CBL: variants seen among roughly 807,000 people sequenced by gnomAD.
CBL encodes Cbl proto-oncogene.
Under a neutral mutation model 96.9 loss-of-function variants are expected in CBL, and 45 were observed. The observed-to-expected ratio is 0.46, with a 90% CI of 0.37 to 0.60. CBL has a LOEUF of 0.60. Ranked by LOEUF, CBL falls within the 20% of genes least tolerant of loss-of-function variation. CBL has a pLI of 0.00. For synonymous variants in CBL, 420 were observed against 426.8 expected, an observed-to-expected ratio of 0.98 and a Z score of 0.20; for missense variants, 1,024 against 1,143.5, an observed-to-expected ratio of 0.90 and a Z score of 1.51.
At chr11:119,292,898 C>G (rs2135316919) in intron 12 of CBL, among the ~76,000 whole-genome samples, 1 of 152,196 alleles carries the variant, frequency 6.6e-6, no homozygotes, top group South Asian at 2.1e-4. Context: ...CCCAGTAAAC[C>G]CATTGTAAAT....
chr11:119,300,338 A>G lies in CBL; in HGVS notation c.*557A>G. ...ACTTCAACACTCCCCTTTGGCTTAT[A>G]TTACCATGTGCATAGCTAAAGTCTT... On this transcript the variant is annotated 3_prime_UTR_variant, in exon 16 of 16. Transcript: ENST00000264033. 2.7e-6 allele frequency: 1 copy of G among 375,824 alleles called. No individual in the cohort carries two copies. The highest frequency in any genetic ancestry group is 4.7e-6 in the Non-Finnish European group (1 of 213,784). The allele number at this position is 375,824 out of a possible 1,614,324, so 23.3% of individuals were successfully genotyped here.
chr11:119,279,644 C>G (rs936816180), intron 9 of CBL, among the ~76,000 whole-genome samples: 1 of 152,004 alleles, frequency 6.6e-6, no homozygotes, highest in African/African-American at 2.4e-5. Context: ...AGAGCGAGAC[C>G]CTGTCTCATA....
chr11:119,277,241 G>GCACACACACACACACACACACA (rs59099916), intron 6 of CBL, among the ~76,000 whole-genome samples: 13 of 146,382 alleles, frequency 8.9e-5, no homozygotes, highest in Non-Finnish European at 1.2e-4. Flanking sequence ...AATCTGTCGC[G>GCACACACACACACACACACACA]CACACACACA....
chr11:119,306,073 G>T lies in CBL; in HGVS notation c.*6292G>T, dbSNP rs982876506. 1 of 387,812 alleles carries T rather than the reference G, an allele frequency of 2.6e-6. No homozygotes were observed. The highest frequency in any genetic ancestry group is 2.1e-5 in the African/African-American group (1 of 48,456). 24.0% of individuals were successfully genotyped at this position (387,812 alleles called of 1,614,324 possible). The stretch of plus-strand genomic sequence containing the variant: ...GGGTTGGTTCCAGTGGGAAATACCA[G>T]TATTTCTTGGTTCTGGAAAGTAGCA... On this transcript the variant is annotated 3_prime_UTR_variant, in exon 16 of 16. Transcript: ENST00000264033.
intron 5 of CBL, among the ~76,000 whole-genome samples, chr11:119,275,576 A>T (rs758241795): frequency 3.3e-5 from 5 of 152,058 alleles, no homozygotes; most frequent in Admixed American, 6.6e-5. Context: ...AGAAGTAGTT[A>T]TTCTTGGCTG....
At chr11:119,220,444 A>G (rs1227235229) in intron 1 of CBL, among the ~76,000 whole-genome samples, 2 of 152,114 alleles carry the variant, frequency 1.3e-5, no homozygotes, top group Non-Finnish European at 2.9e-5. Flanking sequence ...CCCTGTGTCT[A>G]AAAAAATATT....
chr11:119,242,198 A>G (rs1404722161), intron 2 of CBL, among the ~76,000 whole-genome samples: 1 of 152,166 alleles, frequency 6.6e-6, no homozygotes, highest in Non-Finnish European at 1.5e-5. Flanking sequence ...TAATTCCTGT[A>G]ATCCCAGTGA....
In CBL at chr11:119,252,481, G is replaced by A. The variant is rs576090104; in HGVS notation, c.444-19254G>A. ...CTTCCATTGTGCTTTCTGTTAAATAGCAATCTAAGTGCTATTGACATCAAC... is the reference window on the plus strand; with the variant it reads ...CTTCCATTGTGCTTTCTGTTAAATAACAATCTAAGTGCTATTGACATCAAC... On this transcript the variant is annotated intron_variant, in intron 2 of 15. Transcript: ENST00000264033. Among the ~76,000 whole-genome samples, 4 of 152,180 alleles carry A rather than the reference G, an allele frequency of 2.6e-5. No homozygotes were observed. In the South Asian group the frequency reaches 8.3e-4, roughly 32 times the overall value.
chr11:119,276,648 A>C (rs1592399999), intron 6 of CBL, among the ~76,000 whole-genome samples: 2 of 152,388 alleles, frequency 1.3e-5, no homozygotes, highest in East Asian at 3.9e-4. Context: ...AATTCAAATT[A>C]ATTATCAGTT....
In CBL at chr11:119,219,403, G is replaced by C. The variant is rs144408091; in HGVS notation, c.195+12791G>C. On this transcript the variant is annotated intron_variant, in intron 1 of 15. Coordinates refer to ENST00000264033, the MANE Select transcript of CBL (RefSeq NM_005188.4). ...AAAAAAAAAAAAAGAAAGAAAGAAA[G>C]AAATCATACTAGGCTTGCTGTCATA... Among the ~76,000 whole-genome samples, 279 of 151,182 alleles carry C rather than the reference G, an allele frequency of 1.8e-3. 2 individuals are homozygous for C. Among genetic ancestry groups the C allele is most frequent in the East Asian group, 0.015 (78 of 5,132 alleles).
intron 1 of CBL, among the ~76,000 whole-genome samples, chr11:119,207,606 C>T (rs1949282211): frequency 6.6e-6 from 1 of 152,186 alleles, no homozygotes; most frequent in South Asian, 2.1e-4. Context: ...ATAGTTGTGT[C>T]TATATGATGA....
intron 2 of CBL, among the ~76,000 whole-genome samples, chr11:119,239,627 G>C (rs1949570260): frequency 6.6e-6 from 1 of 152,134 alleles, no homozygotes. Context: ...TGTTGAATAG[G>C]AATATCAGGA....
At chr11:119,289,710 A>AT (rs1950011353) in intron 12 of CBL, 1 of 152,132 alleles carries the variant, frequency 6.6e-6, no homozygotes, top group Admixed American at 6.5e-5. Context: ...TTATCAAGAG[A>AT]TTCCATCATG....
At position 119,300,670 on chromosome 11, in the gene CBL, C is replaced by G. The variant is rs945368783; in HGVS notation, c.*889C>G. On this transcript the variant is annotated 3_prime_UTR_variant, in exon 16 of 16. Coordinates refer to ENST00000264033, the MANE Select transcript of CBL (RefSeq NM_005188.4). ...TTGATTATCCTAATTACATAATGAC[C>G]GATTTGAGATAGAGGCCTTTAAATA... 2.5e-6 allele frequency: 1 copy of G among 398,050 alleles called. No individual in the cohort carries two copies. Among genetic ancestry groups the G allele is most frequent in the Non-Finnish European group, 4.4e-6 (1 of 225,884 alleles). 24.7% of individuals were successfully genotyped at this position (398,050 alleles called of 1,614,324 possible). A position where few individuals can be genotyped will look rare whatever the true frequency, so the allele number is the denominator to read the frequency against.
chr11:119,207,250 C>A (rs1168080419), intron 1 of CBL, among the ~76,000 whole-genome samples: 2 of 152,170 alleles, frequency 1.3e-5, no homozygotes, highest in African/African-American at 4.8e-5. Context: ...TTTTTTGTTA[C>A]CCTCAGAAAC....
chr11:119,297,359 T>C (rs1232337545), intron 13 of CBL, 25 bp from the exon 14 acceptor site: 2 of 1,539,518 alleles, frequency 1.3e-6, no homozygotes, highest in East Asian at 2.2e-5. Context: ...CCAAAGATCA[T>C]TATGGCACTT....
intron 2 of CBL, among the ~76,000 whole-genome samples, chr11:119,254,136 G>C (rs1231186537): frequency 3.3e-5 from 5 of 152,038 alleles, no homozygotes; most frequent in Admixed American, 6.6e-5. Context: ...ATCACTTGAG[G>C]CCAGGAGTTT....
At chr11:119,290,629 A>T (rs920824083) in intron 12 of CBL, among the ~76,000 whole-genome samples, 5 of 149,750 alleles carry the variant, frequency 3.3e-5, no homozygotes, top group African/African-American at 9.8e-5. Flanking sequence ...CAAAAAAAAA[A>T]AAGAGATACT....
chr11:119,264,388 T>TCTCTTCTCTTCTCTTCTC (rs1949780004), intron 2 of CBL, among the ~76,000 whole-genome samples: 30 of 133,846 alleles, frequency 2.2e-4, no homozygotes, highest in African/African-American at 8.5e-4. Context: ...TTTCTTTTCT[T>TCTCTTCTCTTCTCTTCTC]TTCTCTTCTC....
Sources: allele counts gnomAD v4.1 joint callset (sites outside exome capture counted in the v4.1 genomes callset), GRCh38; gene constraint gnomAD v4.1.1; transcripts MANE v1.5; gene names NCBI Gene and HGNC (gene_info 2026-07-23, HGNC 2026-07-21).